LOXHD1: variants seen among roughly 807,000 people sequenced by gnomAD.
LOXHD1 encodes lipoxygenase homology PLAT domains 1.
LOXHD1 carries 205 observed loss-of-function variants against 248.2 expected under a neutral mutation model. The observed-to-expected ratio is 0.83, with a 90% confidence interval of 0.74 to 0.93. The LOEUF (loss-of-function observed/expected upper bound fraction) is 0.93, where lower values mean the gene tolerates loss of function less well. Among genes scored for constraint, LOXHD1 ranks in the 40% least tolerant of loss-of-function variants. The pLI, the probability that LOXHD1 is intolerant of heterozygous loss-of-function variation, is 0.00. For synonymous variants in LOXHD1, 1,113 were observed against 1,162.8 expected (o/e 0.96, Z 0.87); for missense variants, 2,930 against 2,971.6 (o/e 0.99, Z 0.33).
At chr18:46,609,074 G>T (rs1226311857) in intron 6 of LOXHD1, among the ~76,000 whole-genome samples, 1 of 152,180 alleles carries the variant, frequency 6.6e-6, no homozygotes, top group Non-Finnish European at 1.5e-5. Flanking sequence ...GGCATCATTT[G>T]CCAGAAAACA....
At chr18:46,520,565 C>T (rs189883771) in intron 33 of LOXHD1, 15 of 301,918 alleles carry the variant, frequency 5.0e-5, no homozygotes, top group South Asian at 2.7e-4. Context: ...GAGCCAGGAC[C>T]GAAGCTCAGA....
chr18:46,487,795 A>T (rs1369202032), intron 38 of LOXHD1, among the ~76,000 whole-genome samples: 1 of 152,228 alleles, frequency 6.6e-6, no homozygotes, highest in Non-Finnish European at 1.5e-5. Flanking sequence ...AGAGAGAAAG[A>T]GACGTACTGA....
At chr18:46,592,217 T>C (rs2038183614) in intron 11 of LOXHD1, 149 bp from the exon 12 acceptor site, 6 of 1,166,588 alleles carry the variant, frequency 5.1e-6, no homozygotes, top group Admixed American at 2.1e-5. Context: ...GATTAGTATT[T>C]GTTCCTGGTT....
chr18:46,601,424 C>G lies in LOXHD1; in HGVS notation c.927G>C (p.Gly309=), dbSNP rs749677224. 6.4e-7 allele frequency: 1 copy of G among 1,551,576 alleles called. No homozygotes were observed. The highest frequency in any genetic ancestry group is 8.7e-7 in the Non-Finnish European group (1 of 1,147,002). ...AGTAGATTTTGGATTTGGTACCAGC[C>G]CCCCGGACATCCCCAGTGAAGACGG... ...IVTVFTGDVR[G]AGTKSKIYLV... The change falls in exon 8 of 41, where the codon GGG becomes GGC. Residue 309 remains glycine, a synonymous_variant. Transcript: ENST00000642948.
At chr18:46,520,319 C>T (rs939698595) in intron 33 of LOXHD1, 1 of 471,192 alleles carries the variant, frequency 2.1e-6, no homozygotes, top group Non-Finnish European at 4.4e-6. Flanking sequence ...AGCTTCTGAC[C>T]TGGTCCAAGA....
chr18:46,517,903 AG>A (rs1163007239), intron 34 of LOXHD1, among the ~76,000 whole-genome samples: 2 of 152,238 alleles, frequency 1.3e-5, no homozygotes, highest in African/African-American at 4.8e-5. Context: ...GAAAGAAAGA[AG>A]AAATGTTATG....
At chr18:46,488,640 A>G (rs1370093802) in intron 38 of LOXHD1, among the ~76,000 whole-genome samples, 1 of 152,200 alleles carries the variant, frequency 6.6e-6, no homozygotes, top group Non-Finnish European at 1.5e-5. Context: ...AGCTGTTGCC[A>G]CAGGCATCAG....
At chr18:46,600,579 CAG>C (rs1439418307) in intron 8 of LOXHD1, among the ~76,000 whole-genome samples, 1 of 120,078 alleles carries the variant, frequency 8.3e-6, no homozygotes, top group African/African-American at 3.2e-5. Context: ...GCCTGGGTGA[CAG>C]AAGTGAAACT....
Position 46,477,836 on chromosome 18 carries a change from G to A in LOXHD1, c.6458C>T (p.Pro2153Leu), listed in dbSNP as rs1568061614. Reference sequence around the variant, plus strand: ...TGTCACGATGACTTCGTACTTGACGGGCACCAGGCTCTGGACCTTGCTGGC... The same window carrying A: ...TGTCACGATGACTTCGTACTTGACGAGCACCAGGCTCTGGACCTTGCTGGC... ...SFASKVQSLV[P>L]VKYEVIVTTG... The change falls in exon 41 of 41, where the codon CCC becomes CTC. Residue 2153 changes from proline to leucine, a missense_variant. Physicochemically the swap from Pro to Leu is moderately conservative, Grantham distance 98. Transcript: ENST00000642948. 5 of 1,551,806 alleles carry A rather than the reference G, an allele frequency of 3.2e-6. 1 individual carries two copies. Among genetic ancestry groups the A allele is most frequent in the Non-Finnish European group, 4.4e-6 (5 of 1,147,006 alleles).
chr18:46,648,787 G>A (rs1329855547), intron 2 of LOXHD1, among the ~76,000 whole-genome samples: 1 of 152,208 alleles, frequency 6.6e-6, no homozygotes, highest in Non-Finnish European at 1.5e-5. Flanking sequence ...AGCTCCCTCA[G>A]ATGTATGGTC....
At position 46,560,082 on chromosome 18, in the gene LOXHD1, C is replaced by G; in HGVS notation, c.3061+1G>C. 1 of 703,310 alleles carries G rather than the reference C, an allele frequency of 1.4e-6. No individual in the cohort carries two copies. The allele number at this position is 703,310 out of a possible 1,614,324, so 43.6% of individuals were successfully genotyped here. A position where few individuals can be genotyped will look rare whatever the true frequency, so the allele number is the denominator to read the frequency against. The stretch of plus-strand genomic sequence containing the variant: ...ACCCCCACCCCCCACGACCCACTTA[C>G]GCTCAGGACCCGGCTTGCCAGCTGG... On this transcript the variant is annotated splice_donor_variant, in intron 19 of 40. Transcript: ENST00000642948. LOFTEE classifies it high-confidence loss of function.
At chr18:46,549,502 A>G (rs2036993718) in intron 21 of LOXHD1, among the ~76,000 whole-genome samples, 1 of 152,140 alleles carries the variant, frequency 6.6e-6, no homozygotes. Flanking sequence ...GGAACTCAGG[A>G]ATTCTGAATT....
chr18:46,647,493 A>T lies in LOXHD1; in HGVS notation c.245+1662T>A, dbSNP rs1469024467. Among the ~76,000 whole-genome samples, 9 of 152,328 alleles carry T rather than the reference A, an allele frequency of 5.9e-5. No homozygotes were observed. The East Asian group carries it at 1.7e-3, about 29-fold the overall frequency. On this transcript the variant is annotated intron_variant, in intron 2 of 40. Transcript: ENST00000642948. ...GAAAAGCTGGGAACTTCAGAAACCA[A>T]CCGGGCGACTCCCTAGTGTTTGAGG...
chr18:46,509,457 C>A, intron 35 of LOXHD1: 2 of 537,536 alleles, frequency 3.7e-6, no homozygotes, highest in African/African-American at 1.9e-5. Flanking sequence ...GTCCACGTAA[C>A]GTTGACAGCT....
chr18:46,600,608 G>A (rs1260262396), intron 8 of LOXHD1, among the ~76,000 whole-genome samples: 5 of 30,292 alleles, frequency 1.7e-4, no homozygotes, highest in African/African-American at 6.3e-4. Context: ...AAAAAAAAAG[G>A]AAGGAAGGAA....
intron 4 of LOXHD1, among the ~76,000 whole-genome samples, chr18:46,626,640 C>T (rs965119998): frequency 7.2e-5 from 11 of 152,102 alleles, no homozygotes; most frequent in Non-Finnish European, 8.8e-5. Context: ...TAATGCAATA[C>T]CATTTTAATA....
intron 5 of LOXHD1, among the ~76,000 whole-genome samples, chr18:46,615,419 G>T (rs1014923242): frequency 6.6e-6 from 1 of 152,112 alleles, no homozygotes; most frequent in African/African-American, 2.4e-5. Flanking sequence ...TTCTGTTCCG[G>T]GTGGTGGTGG....
At chr18:46,540,129 T>C (rs2093353663) in intron 25 of LOXHD1, among the ~76,000 whole-genome samples, 1 of 152,226 alleles carries the variant, frequency 6.6e-6, no homozygotes, top group African/African-American at 2.4e-5. Context: ...TTACACTCCA[T>C]TTTACAAATG....
At chr18:46,607,579 G>T (rs999967656) in intron 6 of LOXHD1, among the ~76,000 whole-genome samples, 4 of 150,828 alleles carry the variant, frequency 2.7e-5, no homozygotes, top group Admixed American at 6.6e-5. Context: ...ATTATGAGTG[G>T]TTTTTTTTGT....
Sources: gnomAD v4.1 joint callset for allele counts (sites outside exome capture counted in the v4.1 genomes callset) on GRCh38, gnomAD v4.1.1 for gene constraint, MANE v1.5 for transcripts, NCBI Gene and HGNC (gene_info 2026-07-23, HGNC 2026-07-21) for gene names.